PTPRT: variants seen among roughly 807,000 people sequenced by gnomAD.
PTPRT encodes the protein protein tyrosine phosphatase receptor type T.
Under a neutral mutation model 176.8 loss-of-function variants are expected in PTPRT, and 56 were observed. The ratio of observed to expected loss-of-function variants is 0.32; its 90% confidence interval spans 0.26 to 0.40. The LOEUF (loss-of-function observed/expected upper bound fraction) is 0.40, where lower values mean the gene tolerates loss of function less well. Among genes scored for constraint, PTPRT ranks in the 10% least tolerant of loss-of-function variants. The pLI is 1.00. For synonymous variants in PTPRT, 783 were observed against 739.0 expected (o/e 1.06, Z -0.96); for missense variants, 1,540 against 1,908.2 (o/e 0.81, Z 3.60).
At chr20:42,161,043 G>A (rs752219712) in intron 17 of PTPRT, among the ~76,000 whole-genome samples, 1 of 152,166 alleles carries the variant, frequency 6.6e-6, no homozygotes, top group Admixed American at 6.5e-5. Context: ...GTGCAGAAAC[G>A]TTGGAGGTAA....
intron 9 of PTPRT, among the ~76,000 whole-genome samples, chr20:42,377,751 T>G (rs1310877680): frequency 6.6e-6 from 1 of 152,176 alleles, no homozygotes; most frequent in Non-Finnish European, 1.5e-5. Context: ...TGAGCCTCAG[T>G]TCGCCACCTC....
intron 12 of PTPRT, among the ~76,000 whole-genome samples, chr20:42,284,748 C>T (rs1007220004): frequency 9.2e-5 from 14 of 151,752 alleles, no homozygotes; most frequent in East Asian, 7.7e-4. Context: ...ACTTGTTCTT[C>T]GGAACAAGTG....
chr20:42,796,074 G>C (rs182531207), intron 2 of PTPRT, among the ~76,000 whole-genome samples: 33 of 152,322 alleles, frequency 2.2e-4, no homozygotes, highest in Non-Finnish European at 2.2e-4. Flanking sequence ...CGAAGGAACA[G>C]AGAGGTAAAG....
Position 42,755,501 on chromosome 20 carries a change from A to T in PTPRT, c.859+961T>A, listed in dbSNP as rs111388696. ...CTAAATTATGCTATATTAAAATTTT[A>T]ATCGGCAAACATAACATTGGTAAAA... On this transcript the variant is annotated intron_variant, in intron 6 of 30. Coordinates refer to ENST00000373187, the MANE Select transcript of PTPRT (RefSeq NM_007050.6). 7.1e-3 allele frequency among the ~76,000 whole-genome samples: 1,074 copies of T among 152,336 alleles called. 5 individuals are homozygous for T. Among genetic ancestry groups the T allele is most frequent in the South Asian group, 0.014 (70 of 4,830 alleles).
chr20:42,248,533 A>G (rs1002771932), intron 14 of PTPRT, among the ~76,000 whole-genome samples, 154 bp downstream of exon 14: 1 of 152,170 alleles, frequency 6.6e-6, no homozygotes, highest in Non-Finnish European at 1.5e-5. Context: ...CAGCAACACA[A>G]TGAACCACAG....
chr20:42,295,224 T>C (rs556330296), intron 12 of PTPRT, among the ~76,000 whole-genome samples: 123 of 152,140 alleles, frequency 8.1e-4, no homozygotes, highest in African/African-American at 2.4e-3. Flanking sequence ...GCCAAAGAGA[T>C]TGAATAATGT....
chr20:42,721,612 G>A (rs2076304472), intron 6 of PTPRT, among the ~76,000 whole-genome samples: 1 of 152,204 alleles, frequency 6.6e-6, no homozygotes, highest in African/African-American at 2.4e-5. Flanking sequence ...AGTCAGTGCA[G>A]TTTGGGGTGT....
chr20:42,513,187 T>G (rs931716890), intron 7 of PTPRT, among the ~76,000 whole-genome samples: 2 of 147,018 alleles, frequency 1.4e-5, no homozygotes, highest in Non-Finnish European at 3.0e-5. Context: ...TTTTCATATG[T>G]TCTCTATTGA....
chr20:42,884,177 G>T (rs1335207962), intron 2 of PTPRT, among the ~76,000 whole-genome samples: 6 of 152,060 alleles, frequency 3.9e-5, no homozygotes, highest in Admixed American at 3.9e-4. Context: ...GACAGAGGTT[G>T]TTCCACACTG....
chr20:42,220,683 A>G (rs1370577033), intron 15 of PTPRT, among the ~76,000 whole-genome samples: 1 of 150,092 alleles, frequency 6.7e-6, no homozygotes, highest in Non-Finnish European at 1.5e-5. Context: ...TTGTTTAAAT[A>G]AAGTTTTTTA....
At chr20:42,491,752 C>A (rs2071564574) in intron 7 of PTPRT, among the ~76,000 whole-genome samples, 1 of 152,142 alleles carries the variant, frequency 6.6e-6, no homozygotes, top group African/African-American at 2.4e-5. Flanking sequence ...TCTATTATTT[C>A]TAAATCACCT....
chr20:42,793,154 C>T (rs2077401636), intron 2 of PTPRT, among the ~76,000 whole-genome samples: 1 of 152,100 alleles, frequency 6.6e-6, no homozygotes, highest in Non-Finnish European at 1.5e-5. Context: ...GAACCAGTGG[C>T]TATCAGGTTT....
intron 7 of PTPRT, among the ~76,000 whole-genome samples, chr20:42,568,052 C>A (rs1015154523): frequency 6.6e-6 from 1 of 151,756 alleles, no homozygotes; most frequent in South Asian, 2.1e-4. Flanking sequence ...TCACTGCAAC[C>A]GCCGCCTCCT....
intron 15 of PTPRT, among the ~76,000 whole-genome samples, chr20:42,202,880 T>C (rs1487456418): frequency 1.3e-5 from 2 of 152,174 alleles, no homozygotes; most frequent in African/African-American, 2.4e-5. Flanking sequence ...ATCATAATAA[T>C]AATGAAAGCC....
chr20:42,663,524 A>C (rs1321398214), intron 7 of PTPRT, among the ~76,000 whole-genome samples: 1 of 152,142 alleles, frequency 6.6e-6, no homozygotes, highest in Admixed American at 6.5e-5. Context: ...AGCCAGAAGA[A>C]TTTGACTGAT....
At chr20:42,386,040 A>G (rs2058741184) in intron 9 of PTPRT, among the ~76,000 whole-genome samples, 1 of 152,240 alleles carries the variant, frequency 6.6e-6, no homozygotes, top group Non-Finnish European at 1.5e-5. Context: ...ACTCTATGCC[A>G]TGCATACACA....
intron 16 of PTPRT, among the ~76,000 whole-genome samples, chr20:42,182,909 TGTGTGTGTG>T (rs1990583369): frequency 1.1e-4 from 8 of 75,056 alleles, no homozygotes; most frequent in African/African-American, 7.9e-4. Context: ...CAAGCAGGGG[TGTGTGTGTG>T]TGTGTGTGTG....
chr20:42,585,341 CTG>C (rs1488678191), intron 7 of PTPRT, among the ~76,000 whole-genome samples: 1 of 152,172 alleles, frequency 6.6e-6, no homozygotes, highest in Non-Finnish European at 1.5e-5. Context: ...TCTGAGAAGT[CTG>C]TCTCTTTTTT....
chr20:42,770,783 A>C (rs1421241203), intron 5 of PTPRT, among the ~76,000 whole-genome samples: 1 of 152,204 alleles, frequency 6.6e-6, no homozygotes, highest in Non-Finnish European at 1.5e-5. Flanking sequence ...AGTAATCTGC[A>C]ATTAAAAGAC....
Sources: gnomAD v4.1 joint callset for allele counts (sites outside exome capture counted in the v4.1 genomes callset) on GRCh38, gnomAD v4.1.1 for gene constraint, MANE v1.5 for transcripts, NCBI Gene and HGNC (gene_info 2026-07-23, HGNC 2026-07-21) for gene names.